The following RTN4RL2 variants were observed in gnomAD, a reference collection of about 807,000 sequenced individuals.
RTN4RL2 encodes the protein reticulon-4 receptor-like 2.
A neutral mutation model predicts 27.8 loss-of-function variants in RTN4RL2; 9 were observed. The ratio of observed to expected loss-of-function variants is 0.32; its 90% CI spans 0.20 to 0.57. The LOEUF (loss-of-function observed/expected upper bound fraction) is 0.57. Ranked by LOEUF, RTN4RL2 falls within the 20% of genes least tolerant of loss-of-function variation. The probability of loss-of-function intolerance (pLI) is 0.90; values close to 1 mark genes in which losing one functional copy is unlikely to be tolerated. For missense variants in RTN4RL2, 436 were observed against 596.8 expected, an observed-to-expected ratio of 0.73 and a Z score of 2.81; for synonymous variants, 285 against 297.9, an observed-to-expected ratio of 0.96 and a Z score of 0.45.
Position 57,467,293 on chromosome 11 carries a change from C to T in RTN4RL2, c.32-316C>T, listed in dbSNP as rs1943533407. Among the ~76,000 whole-genome samples, 1 of 152,128 alleles carries T rather than the reference C, an allele frequency of 6.6e-6. No individual in the cohort carries two copies. Among genetic ancestry groups the T allele is most frequent in the Admixed American group, 6.5e-5 (1 of 15,280 alleles). On this transcript the variant is annotated intron_variant, in intron 1 of 2. Coordinates refer to ENST00000335099, the MANE Select transcript of RTN4RL2 (RefSeq NM_178570.3). This position sits in a 1 kb window ranked among gnomAD's most constrained non-coding sequence, Gnocchi z 5.5. Reference sequence around the variant, plus strand: ...GGGTGTGATCGTTGCTCACTACAGCCTCAAACTCCTGGGTTCAAGCGATCC... The same window carrying T: ...GGGTGTGATCGTTGCTCACTACAGCTTCAAACTCCTGGGTTCAAGCGATCC...
chr11:57,462,435 G>C (rs1262389629), intron 1 of RTN4RL2, among the ~76,000 whole-genome samples: 1 of 152,076 alleles, frequency 6.6e-6, no homozygotes, highest in Non-Finnish European at 1.5e-5. Flanking sequence ...CTTGCTTCTC[G>C]TCTGGGACCC....
chr11:57,466,975 G>A (rs1024803912), intron 1 of RTN4RL2, among the ~76,000 whole-genome samples: 8 of 152,248 alleles, frequency 5.3e-5, no homozygotes, highest in South Asian at 2.1e-4. Flanking sequence ...AAACCCTGAC[G>A]TTAGTCTTTT....
intron 1 of RTN4RL2, among the ~76,000 whole-genome samples, chr11:57,465,443 GCC>G (rs1338918654): frequency 6.6e-6 from 1 of 152,152 alleles, no homozygotes; most frequent in Non-Finnish European, 1.5e-5. Flanking sequence ...ACCCCAAGGA[GCC>G]CCAGGATGTC....
chr11:57,470,764 T>C (rs1014106657), intron 2 of RTN4RL2, among the ~76,000 whole-genome samples: 14 of 152,272 alleles, frequency 9.2e-5, no homozygotes, highest in Admixed American at 8.5e-4. Flanking sequence ...TAGGAGGAAT[T>C]TGGAGTCAGA....
chr11:57,476,934 G>T lies in RTN4RL2; in HGVS notation c.*23G>T. 1 of 1,529,978 alleles carries T rather than the reference G, an allele frequency of 6.5e-7. No individual in the cohort carries two copies. The highest frequency in any genetic ancestry group is 1.4e-5 in the African/African-American group (1 of 69,998). The allele number at this position is 1,529,978 out of a possible 1,614,324, so 94.8% of individuals were successfully genotyped here. A position where few individuals can be genotyped will look rare whatever the true frequency, so the allele number is the denominator to read the frequency against. ...TGACTGCGGTGCTGAGATCGAAGAGGCCAGTGTCCGATCCCCGCTTCCCGT... is the reference window on the plus strand; with the variant it reads ...TGACTGCGGTGCTGAGATCGAAGAGTCCAGTGTCCGATCCCCGCTTCCCGT... On this transcript the variant is annotated 3_prime_UTR_variant, in exon 3 of 3. Transcript: ENST00000335099. This position sits in a 1 kb window ranked among gnomAD's most constrained non-coding sequence, Gnocchi z 8.2.
chr11:57,463,669 T>C (rs1201274385), intron 1 of RTN4RL2, among the ~76,000 whole-genome samples: 1 of 150,160 alleles, frequency 6.7e-6, no homozygotes, highest in African/African-American at 2.5e-5. Flanking sequence ...AGGCCAGGAG[T>C]GGAGCCGTGG....
chr11:57,468,904 G>A (rs559088066), intron 2 of RTN4RL2: 180 of 812,740 alleles, frequency 2.2e-4, no homozygotes, highest in South Asian at 3.4e-4. Flanking sequence ...TATGCTGACT[G>A]TTTGACACGC....
intron 2 of RTN4RL2, among the ~76,000 whole-genome samples, chr11:57,472,691 T>C (rs1318192473): frequency 6.6e-6 from 1 of 152,092 alleles, no homozygotes; most frequent in Non-Finnish European, 1.5e-5. Flanking sequence ...TTGTGAGGAT[T>C]AAAGGAGATA....
At chr11:57,470,924 C>T (rs1198975687) in intron 2 of RTN4RL2, among the ~76,000 whole-genome samples, 5 of 151,898 alleles carry the variant, frequency 3.3e-5, no homozygotes, top group African/African-American at 1.2e-4. Flanking sequence ...AAATAGGAAA[C>T]GAGTTAGTGT....
Position 57,476,523 on chromosome 11 carries a change from C to T in RTN4RL2, c.875C>T (p.Pro292Leu). The T allele has an allele frequency of 1.4e-6, 2 of 1,454,852 alleles. No homozygotes were observed. The highest frequency in any genetic ancestry group is 2.9e-5 in the East Asian group (1 of 33,940). The allele number at this position is 1,454,852 out of a possible 1,614,324, so 90.1% of individuals were successfully genotyped here. A position where few individuals can be genotyped will look rare whatever the true frequency, so the allele number is the denominator to read the frequency against. Residue 292 changes from proline to leucine, a missense_variant, in exon 3 of 3, where the codon CCG becomes CTG. Pro to Leu is a moderately conservative substitution (Grantham distance 98). Transcript: ENST00000335099. The surrounding 1 kb of genome is among the most constrained non-coding windows in gnomAD (Gnocchi z 8.2). ...TCCGACGTGACCTGCGCCACCCCCCCGGAGCGCCAGGGCCGAGACCTGCGC... is the reference window on the plus strand; with the variant it reads ...TCCGACGTGACCTGCGCCACCCCCCTGGAGCGCCAGGGCCGAGACCTGCGC... The part of the protein sequence containing the change: ...SSSDVTCATP[P>L]ERQGRDLRAL...
rs953988023 is a variant in RTN4RL2 at position 57,467,239 on chromosome 11, C to CT, written c.32-368dup. Among the ~76,000 whole-genome samples, 10 of 152,140 alleles carry CT rather than the reference C, an allele frequency of 6.6e-5. No homozygotes were observed. Among genetic ancestry groups the CT allele is most frequent in the African/African-American group, 2.4e-4 (10 of 41,420 alleles). On this transcript the variant is annotated intron_variant, in intron 1 of 2. Coordinates refer to ENST00000335099, the MANE Select transcript of RTN4RL2 (RefSeq NM_178570.3). The surrounding 1 kb of genome is among the most constrained non-coding windows in gnomAD (Gnocchi z 5.5). ...TCTATTTTTTCCCCTGAAACAGGGT[C>CT]TTGTTGTGTTGCCCAGGCTGGAGTG...
chr11:57,468,436 G>A lies in RTN4RL2; in HGVS notation c.513+346G>A, dbSNP rs934178884. ...AACTTGCCTCCCCCATCTGTCTTCT[G>A]CCTCTTCTGTCTGTCTCCCTTCACA... On this transcript the variant is annotated intron_variant, in intron 2 of 2. Coordinates refer to ENST00000335099, the MANE Select transcript of RTN4RL2 (RefSeq NM_178570.3). 1.5e-5 allele frequency: 13 copies of A among 846,052 alleles called. No individual in the cohort carries two copies. In the African/African-American group the frequency reaches 2.0e-4, roughly 13 times the overall value. The allele number at this position is 846,052 out of a possible 1,614,324, so 52.4% of individuals were successfully genotyped here.
rs892158638 is a variant in RTN4RL2 at position 57,476,731 on chromosome 11, C to A, written c.1083C>A (p.Gly361=). 2.1e-6 allele frequency: 3 copies of A among 1,438,946 alleles called. No individual in the cohort carries two copies. The highest frequency in any genetic ancestry group is 9.1e-7 in the Non-Finnish European group (1 of 1,104,002). The allele number at this position is 1,438,946 out of a possible 1,614,324, so 89.1% of individuals were successfully genotyped here. A position where few individuals can be genotyped will look rare whatever the true frequency, so the allele number is the denominator to read the frequency against. The change falls in exon 3 of 3, where the codon GGC becomes GGA. Residue 361 remains glycine (G), a synonymous_variant. Coordinates refer to ENST00000335099, the MANE Select transcript of RTN4RL2 (RefSeq NM_178570.3). The surrounding 1 kb of genome is among the most constrained non-coding windows in gnomAD (Gnocchi z 8.2). ...CCGAAGACTCGCGGGGGCGCCAGGG[C>A]GGGGACGCGCCTACTGAGGACGACT... ...LPAEDSRGRQ[G]GDAPTEDDYW... is the part of the protein sequence containing the mutation.
In RTN4RL2 at chr11:57,460,865, G is replaced by C; in HGVS notation, c.-1G>C. ...CCCCCTCCCCCGAGCATCGAGACAA[G>C]ATGCTGCCCGGGCTCAGGCGCCTGC... On this transcript the variant is annotated 5_prime_UTR_variant, in exon 1 of 3. Coordinates refer to ENST00000335099, the MANE Select transcript of RTN4RL2 (RefSeq NM_178570.3). 7.1e-7 allele frequency: 1 copy of C among 1,409,018 alleles called. No homozygotes were observed. 87.3% of individuals were successfully genotyped at this position (1,409,018 alleles called of 1,614,324 possible).
rs748379492 is a variant in RTN4RL2 at position 57,467,661 on chromosome 11, C to A, written c.84C>A (p.Ala28=). The change falls in exon 2 of 3, where the codon GCC becomes GCA. Residue 28 remains alanine, a synonymous_variant. Transcript: ENST00000335099. This position sits in a 1 kb window ranked among gnomAD's most constrained non-coding sequence, Gnocchi z 5.5. ...LLMLLALPLA[A]PSCPMLCTCY... ...TGCTCCTGGCCCTGCCCCTGGCGGC[C>A]CCCAGCTGCCCCATGCTCTGCACCT... 1.2e-6 allele frequency: 2 copies of A among 1,611,172 alleles called. No individual in the cohort carries two copies. The highest frequency in any genetic ancestry group is 1.1e-5 in the South Asian group (1 of 91,028).
At chr11:57,460,971 A>T in intron 1 of RTN4RL2, 75 bp downstream of exon 1, 43 of 789,890 alleles carry the variant, frequency 5.4e-5, no homozygotes, top group Non-Finnish European at 7.0e-5. Flanking sequence ...TCAGGGATTG[A>T]GGGTGGGGCA....
At chr11:57,466,097 T>C (rs1326341248) in intron 1 of RTN4RL2, among the ~76,000 whole-genome samples, 3 of 148,950 alleles carry the variant, frequency 2.0e-5, no homozygotes, top group Non-Finnish European at 3.0e-5. Context: ...GCCTCCCAGG[T>C]TCACACCATT....
At chr11:57,473,285 TC>T in intron 2 of RTN4RL2, among the ~76,000 whole-genome samples, 1 of 152,034 alleles carries the variant, frequency 6.6e-6, no homozygotes. Flanking sequence ...CTATCCTAAG[TC>T]CCTTGTTTCA....
At chr11:57,463,036 G>C (rs918025214) in intron 1 of RTN4RL2, among the ~76,000 whole-genome samples, 2 of 152,192 alleles carry the variant, frequency 1.3e-5, no homozygotes, top group African/African-American at 4.8e-5. Flanking sequence ...ACATTCAGGC[G>C]TGGTTTCTGC....
Sources: gnomAD v4.1 joint callset for allele counts (sites outside exome capture counted in the v4.1 genomes callset) on GRCh38, gnomAD v4.1.1 for gene constraint, Gnocchi (gnomAD v3.1) non-coding constraint, MANE v1.5 for transcripts, NCBI Gene and HGNC (gene_info 2026-07-23, HGNC 2026-07-21) for gene names.